The following HHAT variants were observed in gnomAD, a reference collection of about 807,000 sequenced individuals.
The protein encoded by HHAT is hedgehog acyltransferase.
Under a neutral mutation model 70.8 loss-of-function variants are expected in HHAT, and 47 were observed. The ratio of observed to expected loss-of-function variants is 0.66; its 90% CI spans 0.53 to 0.85. HHAT has a LOEUF of 0.85. Ranked by LOEUF, HHAT falls within the 40% of genes least tolerant of loss-of-function variation. The pLI is 0.00. For missense variants in HHAT, 609 were observed against 604.8 expected (o/e 1.01, Z -0.07); for synonymous variants, 228 against 247.6 (o/e 0.92, Z 0.74).
intron 9 of HHAT, among the ~76,000 whole-genome samples, chr1:210,579,271 T>G (rs1259010487): frequency 6.6e-6 from 1 of 152,140 alleles, no homozygotes; most frequent in Non-Finnish European, 1.5e-5. Flanking sequence ...CCAGCACATG[T>G]ACCCCTAAAC....
chr1:210,329,597 C>A, intron 1 of HHAT: 1 of 472,912 alleles, frequency 2.1e-6, no homozygotes, highest in Non-Finnish European at 2.8e-6. Flanking sequence ...TAATCCTCAC[C>A]AGAGGTACTT....
chr1:210,359,872 C>CA (rs138163269), intron 2 of HHAT, among the ~76,000 whole-genome samples: 17,663 of 148,124 alleles, frequency 0.12, 1,261 homozygotes, highest in East Asian at 0.27. Flanking sequence ...TGGGAAAAAA[C>CA]AAAAAAAAAA....
intron 8 of HHAT, among the ~76,000 whole-genome samples, chr1:210,474,319 C>A (rs964946268): frequency 6.6e-6 from 1 of 152,206 alleles, no homozygotes; most frequent in Non-Finnish European, 1.5e-5. Context: ...GAGACAGGCT[C>A]TCGCTCTGTT....
At chr1:210,509,248 C>G (rs1352209871) in intron 8 of HHAT, among the ~76,000 whole-genome samples, 1 of 152,198 alleles carries the variant, frequency 6.6e-6, no homozygotes, top group Non-Finnish European at 1.5e-5. Flanking sequence ...TTGAGCATCT[C>G]AAATTTAAAA....
At chr1:210,646,294 T>C (rs908257911) in intron 11 of HHAT, among the ~76,000 whole-genome samples, 1 of 152,228 alleles carries the variant, frequency 6.6e-6, no homozygotes, top group Non-Finnish European at 1.5e-5. Flanking sequence ...AAAGGGACTA[T>C]GCATATTATT....
chr1:210,524,431 C>T (rs1001429916), intron 9 of HHAT, among the ~76,000 whole-genome samples: 10 of 151,952 alleles, frequency 6.6e-5, no homozygotes, highest in East Asian at 3.9e-4. Flanking sequence ...AGGGAAAGGG[C>T]GAGGGCTGGA....
chr1:210,499,622 G>A (rs1156646363), intron 8 of HHAT, among the ~76,000 whole-genome samples: 3 of 143,746 alleles, frequency 2.1e-5, no homozygotes, highest in Admixed American at 1.5e-4. Context: ...CAACCTGGGT[G>A]ACAAAGAGAG....
intron 8 of HHAT, among the ~76,000 whole-genome samples, chr1:210,487,674 AAG>A (rs1039947521): frequency 2.0e-5 from 3 of 152,232 alleles, no homozygotes; most frequent in African/African-American, 7.2e-5. Context: ...TTTGAGCTAA[AAG>A]AAACTGAGAA....
rs2091834959 is a variant in HHAT at position 210,397,156 on chromosome 1, G to C, written c.274-3312G>C. On this transcript the variant is annotated intron_variant, in intron 4 of 11. Coordinates refer to ENST00000261458, the MANE Select transcript of HHAT (RefSeq NM_018194.6). Reference sequence around the variant, plus strand: ...GAAGAAACTGGGTAAAGTATACAAGGGATGTCTCTTGTATGTATATGTGAA... The same window carrying C: ...GAAGAAACTGGGTAAAGTATACAAGCGATGTCTCTTGTATGTATATGTGAA... Among the ~76,000 whole-genome samples, 2 of 152,146 alleles carry C rather than the reference G, an allele frequency of 1.3e-5. 1 individual carries two copies. Among genetic ancestry groups the C allele is most frequent in the South Asian group, 4.1e-4 (2 of 4,828 alleles).
chr1:210,650,675 G>C (rs1294220043), intron 11 of HHAT, among the ~76,000 whole-genome samples: 1 of 152,144 alleles, frequency 6.6e-6, no homozygotes, highest in African/African-American at 2.4e-5. Context: ...GAAGCTCTTG[G>C]ATAGAAGGTA....
chr1:210,462,364 A>G (rs2148431360), intron 7 of HHAT: 1 of 152,268 alleles, frequency 6.6e-6, no homozygotes, highest in East Asian at 1.9e-4. Context: ...TGCCATCTCT[A>G]GTTGTGGAAT....
chr1:210,597,704 AGCCTGGG>A lies in HHAT; in HGVS notation c.1245+9606_1245+9612del, dbSNP rs148503717. On this transcript the variant is annotated intron_variant, in intron 10 of 11. Transcript: ENST00000261458. ...ATTCAGCTTGTGATGAATGCTGCCA[AGCCTGGG>A]TCCTTCCTTTCAGGACAGTAGGCTC... 7.5e-3 allele frequency among the ~76,000 whole-genome samples: 1,139 copies of A among 152,178 alleles called. 20 individuals are homozygous for A. The highest frequency in any genetic ancestry group is 0.026 in the African/African-American group (1,094 of 41,538).
At chr1:210,662,840 A>C (rs1678045062) in intron 11 of HHAT, among the ~76,000 whole-genome samples, 1 of 152,122 alleles carries the variant, frequency 6.6e-6, no homozygotes, top group Admixed American at 6.5e-5. Flanking sequence ...AGGATGAAAA[A>C]TGCAGTAGAA....
intron 9 of HHAT, among the ~76,000 whole-genome samples, chr1:210,548,853 C>A (rs115836052): frequency 6.6e-6 from 1 of 152,146 alleles, no homozygotes; most frequent in Non-Finnish European, 1.5e-5. Flanking sequence ...AGGCAGGTCC[C>A]GAAGTGCCTG....
chr1:210,612,505 A>C (rs943210825), intron 10 of HHAT, among the ~76,000 whole-genome samples: 1 of 152,164 alleles, frequency 6.6e-6, no homozygotes, highest in African/African-American at 2.4e-5. Flanking sequence ...TTAAGGCTAA[A>C]ATGCCATTTT....
intron 9 of HHAT, among the ~76,000 whole-genome samples, chr1:210,541,501 C>G (rs1313904317): frequency 6.6e-6 from 1 of 152,086 alleles, no homozygotes; most frequent in African/African-American, 2.4e-5. Flanking sequence ...GCTGAGGCGG[C>G]AGATCACTTG....
At chr1:210,523,170 G>A (rs1050231019) in intron 9 of HHAT, among the ~76,000 whole-genome samples, 7 of 151,916 alleles carry the variant, frequency 4.6e-5, no homozygotes, top group Non-Finnish European at 8.8e-5. Context: ...ATACAACCCC[G>A]TGTCCTGGGC....
intron 2 of HHAT, among the ~76,000 whole-genome samples, chr1:210,352,197 T>C (rs2087097082): frequency 6.6e-6 from 1 of 152,216 alleles, no homozygotes; most frequent in Admixed American, 6.5e-5. Flanking sequence ...GTCCAGATGC[T>C]GTCATGCTGA....
At chr1:210,588,518 A>T in intron 10 of HHAT, 1 of 156,740 alleles carries the variant, frequency 6.4e-6, no homozygotes, top group Non-Finnish European at 1.4e-5. Context: ...ATACCTAACC[A>T]CCCTTTTTAA....
Sources: gnomAD v4.1 joint callset for allele counts (sites outside exome capture counted in the v4.1 genomes callset) on GRCh38, gnomAD v4.1.1 for gene constraint, MANE v1.5 for transcripts, NCBI Gene and HGNC (gene_info 2026-07-23, HGNC 2026-07-21) for gene names.